Variants in GRM5 observed in about 807,000 individuals in gnomAD.
GRM5 encodes metabotropic glutamate receptor 5.
In GRM5, 19 loss-of-function variants were observed where a neutral mutation model predicts 83.1. The ratio of observed to expected loss-of-function variants is 0.23; its 90% CI spans 0.16 to 0.34. GRM5 has a LOEUF of 0.34. GRM5 is among the 10% of genes least tolerant of loss of function. The probability of loss-of-function intolerance (pLI) is 1.00; values close to 1 mark genes in which losing one functional copy is unlikely to be tolerated. For synonymous variants in GRM5, 675 were observed against 633.6 expected (o/e 1.07, Z -0.98); for missense variants, 1,160 against 1,588.3 (o/e 0.73, Z 4.58).
At chr11:88,719,698 C>T (rs577465259) in intron 3 of GRM5, among the ~76,000 whole-genome samples, 2 of 152,164 alleles carry the variant, frequency 1.3e-5, no homozygotes, top group East Asian at 3.9e-4. Flanking sequence ...TATAAGGGTT[C>T]CCTTTTCTCC....
chr11:88,746,122 G>T (rs1942134584), intron 3 of GRM5, among the ~76,000 whole-genome samples: 1 of 152,048 alleles, frequency 6.6e-6, no homozygotes. Flanking sequence ...TCCTTAGATT[G>T]ATAACCCTTG....
intron 3 of GRM5, among the ~76,000 whole-genome samples, chr11:88,676,999 T>C (rs1940346610): frequency 6.6e-6 from 1 of 152,016 alleles, no homozygotes; most frequent in Non-Finnish European, 1.5e-5. Context: ...AAAAAGTACT[T>C]GAAAACTGTG....
intron 2 of GRM5, among the ~76,000 whole-genome samples, chr11:88,925,380 C>G (rs1945771839): frequency 2.0e-5 from 3 of 152,056 alleles, no homozygotes; most frequent in African/African-American, 7.2e-5. Flanking sequence ...CCCACCTCAT[C>G]CTCTGCCTTT....
At chr11:89,009,386 T>G (rs1332085415) in intron 2 of GRM5, among the ~76,000 whole-genome samples, 4 of 152,188 alleles carry the variant, frequency 2.6e-5, no homozygotes, top group Admixed American at 2.6e-4. Flanking sequence ...TTTTAACCAC[T>G]AATTGACCTA....
At chr11:88,658,739 T>C (rs1361176351) in intron 3 of GRM5, among the ~76,000 whole-genome samples, 4 of 152,180 alleles carry the variant, frequency 2.6e-5, no homozygotes, top group Non-Finnish European at 5.9e-5. Context: ...AAATATTGTT[T>C]TCTATATATT....
intron 5 of GRM5, among the ~76,000 whole-genome samples, chr11:88,597,725 C>G (rs1477232864): frequency 6.6e-6 from 1 of 152,060 alleles, no homozygotes; most frequent in African/African-American, 2.4e-5. Flanking sequence ...ATTTACTAAC[C>G]AAGTGAGAAA....
intron 3 of GRM5, among the ~76,000 whole-genome samples, chr11:88,717,920 TGTA>T (rs1164379827): frequency 7.2e-5 from 11 of 151,890 alleles, no homozygotes. Flanking sequence ...AATCTATTAA[TGTA>T]GTAGGATTAT....
At chr11:88,573,516 T>G (rs1315483888) in intron 7 of GRM5, among the ~76,000 whole-genome samples, 1 of 152,182 alleles carries the variant, frequency 6.6e-6, no homozygotes, top group African/African-American at 2.4e-5. Context: ...TTCCTGTATA[T>G]TTTGGATAAA....
intron 3 of GRM5, among the ~76,000 whole-genome samples, chr11:88,802,115 C>G (rs1943408967): frequency 6.6e-6 from 1 of 152,020 alleles, no homozygotes; most frequent in Non-Finnish European, 1.5e-5. Context: ...TGCTTGCTTT[C>G]AAATCTTGCA....
chr11:88,941,607 G>A (rs923000148), intron 2 of GRM5, among the ~76,000 whole-genome samples: 14 of 148,796 alleles, frequency 9.4e-5, no homozygotes, highest in Admixed American at 8.1e-4. Context: ...GAGGGAAAGC[G>A]GGAAAAAGCT....
chr11:88,924,148 AAGAAAT>A (rs1945745081), intron 2 of GRM5, among the ~76,000 whole-genome samples: 1 of 151,184 alleles, frequency 6.6e-6, no homozygotes, highest in East Asian at 1.9e-4. Flanking sequence ...AAAAAAAAAT[AAGAAAT>A]AATCATTGTT....
At chr11:89,046,528 A>C (rs1941645727) in intron 2 of GRM5, among the ~76,000 whole-genome samples, 1 of 152,206 alleles carries the variant, frequency 6.6e-6, no homozygotes, top group African/African-American at 2.4e-5. Flanking sequence ...CTTATTATTA[A>C]CTATTATAAA....
intron 3 of GRM5, among the ~76,000 whole-genome samples, chr11:88,809,846 A>C (rs988966244): frequency 2.6e-5 from 4 of 152,064 alleles, no homozygotes; most frequent in African/African-American, 9.7e-5. Flanking sequence ...ATATCTGTTA[A>C]ATTTGAATTT....
At chr11:88,715,603 T>C (rs1305728186) in intron 3 of GRM5, among the ~76,000 whole-genome samples, 2 of 152,016 alleles carry the variant, frequency 1.3e-5, no homozygotes, top group African/African-American at 4.8e-5. Context: ...CTGCCTCAAA[T>C]CCTTTTTTAG....
At chr11:88,612,644 T>C (rs1938355412) in intron 4 of GRM5, among the ~76,000 whole-genome samples, 1 of 98,270 alleles carries the variant, frequency 1.0e-5, no homozygotes, top group Admixed American at 9.5e-5. Context: ...TTCCTGACTT[T>C]TTAATGATTG....
chr11:88,986,727 C>CTTTTTTTTTTTTTT (rs60281684), intron 2 of GRM5, among the ~76,000 whole-genome samples: 1 of 93,114 alleles, frequency 1.1e-5, no homozygotes, highest in African/African-American at 4.0e-5. Flanking sequence ...TTTATTTTTG[C>CTTTTTTTTTTTTTT]TTTTTTTTTT....
intron 2 of GRM5, among the ~76,000 whole-genome samples, chr11:88,912,271 T>C (rs1221867250): frequency 6.6e-6 from 1 of 151,956 alleles, no homozygotes; most frequent in African/African-American, 2.4e-5. Flanking sequence ...GCAACATTTT[T>C]CAATTTACTG....
At chr11:88,758,030 T>C (rs1367293382) in intron 3 of GRM5, among the ~76,000 whole-genome samples, 1 of 152,122 alleles carries the variant, frequency 6.6e-6, no homozygotes, top group Non-Finnish European at 1.5e-5. Flanking sequence ...GCCAATCAAC[T>C]GAACCCACCT....
At chr11:88,719,213 C>G (rs888647089) in intron 3 of GRM5, among the ~76,000 whole-genome samples, 3 of 151,906 alleles carry the variant, frequency 2.0e-5, no homozygotes, top group Admixed American at 6.6e-5. Flanking sequence ...CCCTCTACCT[C>G]CTTTTACCCT....
Sources: gnomAD v4.1 joint callset for allele counts (sites outside exome capture counted in the v4.1 genomes callset) on GRCh38, gnomAD v4.1.1 for gene constraint, MANE v1.5 for transcripts, NCBI Gene and HGNC (gene_info 2026-07-23, HGNC 2026-07-21) for gene names.